P3H1: variants seen among roughly 807,000 people sequenced by gnomAD.
The protein encoded by P3H1 is prolyl 3-hydroxylase 1.
P3H1 carries 69 observed loss-of-function variants against 84.0 expected under a neutral mutation model. That is an observed-to-expected ratio of 0.82 (90% CI 0.68 to 1.00). The LOEUF is 1.00. Among genes scored for constraint, P3H1 ranks in the 50% least tolerant of loss-of-function variants. The pLI is 0.00. For synonymous variants in P3H1, 366 were observed against 388.8 expected (o/e 0.94, Z 0.69); for missense variants, 878 against 962.8 (o/e 0.91, Z 1.17).
Position 42,757,933 on chromosome 1 carries a change from GA to G in P3H1, c.941-12del. The G allele has an allele frequency of 6.2e-7, 1 of 1,612,780 alleles. No individual in the cohort carries two copies. The highest frequency in any genetic ancestry group is 1.1e-5 in the South Asian group (1 of 91,066). Reference sequence around the variant, plus strand: ...GTGTATAATTCCCAACTGCAAAGTGGAAAGAAGAATGGCTGAGAGGAAAGAG... The same window carrying G: ...GTGTATAATTCCCAACTGCAAAGTGGAAGAAGAATGGCTGAGAGGAAAGAG... On this transcript the variant is annotated splice_polypyrimidine_tract_variant and intron_variant, in intron 4 of 14. Coordinates refer to ENST00000296388, the MANE Select transcript of P3H1 (RefSeq NM_022356.4).
chr1:42,752,154 T>G (rs1318580327), intron 10 of P3H1, 120 bp downstream of exon 10: 6 of 824,434 alleles, frequency 7.3e-6, no homozygotes, highest in Non-Finnish European at 1.1e-5. Context: ...GCAACAAGAA[T>G]GTTGGCAGGT....
At chr1:42,749,508 G>A (rs1451074701) in intron 11 of P3H1, among the ~76,000 whole-genome samples, 1 of 152,234 alleles carries the variant, frequency 6.6e-6, no homozygotes, top group African/African-American at 2.4e-5. Flanking sequence ...TGTAAATCAC[G>A]AAGCTCTCTC....
intron 5 of P3H1, 64 bp from the exon 6 acceptor site, chr1:42,755,701 C>T: frequency 7.8e-7 from 1 of 1,285,430 alleles, no homozygotes. Context: ...TCTGGGAGTT[C>T]CCCTCCCTGG....
intron 1 of P3H1, among the ~76,000 whole-genome samples, chr1:42,766,013 CCCCG>C (rs201669544): frequency 9.3e-4 from 82 of 87,892 alleles, no homozygotes; most frequent in South Asian, 3.7e-3. Flanking sequence ...AGGGTCCCCC[CCCCG>C]CCCCCACACA....
Position 42,747,839 on chromosome 1 carries a change from C to G in P3H1, c.1839-41G>C, listed in dbSNP as rs375115016. The G allele has an allele frequency of 3.0e-5, 48 of 1,586,790 alleles. No homozygotes were observed. In the African/African-American group the frequency reaches 4.7e-4, roughly 16 times the overall value. ...ACATCTCATCATGGCCCTTCCCTGC[C>G]TCCCTTTCCCCTGAGCCTTCACCTC... On this transcript the variant is annotated intron_variant, in intron 12 of 14. Coordinates refer to ENST00000296388, the MANE Select transcript of P3H1 (RefSeq NM_022356.4).
At chr1:42,753,603 G>A (rs1173962914) in intron 8 of P3H1, among the ~76,000 whole-genome samples, 4 of 152,116 alleles carry the variant, frequency 2.6e-5, no homozygotes, top group Admixed American at 2.6e-4. Context: ...AAGAAAGGAG[G>A]GGACTCCAAT....
rs551684285 is a variant in P3H1 at position 42,766,984 on chromosome 1, C to T, written c.-13G>A. On this transcript the variant is annotated 5_prime_UTR_variant, in exon 1 of 15. Coordinates refer to ENST00000296388, the MANE Select transcript of P3H1 (RefSeq NM_022356.4). The stretch of plus-strand genomic sequence containing the variant: ...CGCGTACCGCCATCGCTCCCTCAGA[C>T]CTAACGGAACCGCCAGCCACCCGCC... The T allele has an allele frequency of 3.9e-5, 63 of 1,604,694 alleles. 1 individual carries two copies. The South Asian group carries it at 5.5e-4, about 14-fold the overall frequency.
rs778110583 is a variant in P3H1, at chr1:42,746,806, T to TA, written c.2101_2102insT (p.Glu701ValfsTer29). On this transcript the variant is annotated frameshift_variant, in exon 15 of 15. Coordinates refer to ENST00000296388, the MANE Select transcript of P3H1 (RefSeq NM_022356.4). LOFTEE classifies it low-confidence loss of function (END_TRUNC). Reference sequence around the variant, plus strand: ...CTGCTCCTGGGAGAGGTCCATCTCTTCTGGGCTGAAGAGCATCTTCACCAG... The same window carrying TA: ...CTGCTCCTGGGAGAGGTCCATCTCTTACTGGGCTGAAGAGCATCTTCACCAG... 3 of 1,598,396 alleles carry TA rather than the reference T, an allele frequency of 1.9e-6. No individual in the cohort carries two copies. The highest frequency in any genetic ancestry group is 2.6e-6 in the Non-Finnish European group (3 of 1,172,650).
chr1:42,759,254 T>C lies in P3H1; in HGVS notation c.755A>G (p.Tyr252Cys), dbSNP rs774134275. 1 of 1,614,180 alleles carries C rather than the reference T, an allele frequency of 6.2e-7. No homozygotes were observed. The highest frequency in any genetic ancestry group is 8.5e-7 in the Non-Finnish European group (1 of 1,180,040). ...CRALCEGPYD[Y>C]DGYNYLEYNA... Reference sequence around the variant, plus strand: ...GTACTCAAGGTAGTTGTAGCCATCGTAGTCATAGGGCCCTTCGCAGAGGGC... The same window carrying C: ...GTACTCAAGGTAGTTGTAGCCATCGCAGTCATAGGGCCCTTCGCAGAGGGC... The change falls in exon 3 of 15, where the codon TAC becomes TGC. Residue 252 changes from tyrosine (Y) to cysteine (C), a missense_variant. Physicochemically the swap from Tyr to Cys is radical, Grantham distance 194. Coordinates refer to ENST00000296388, the MANE Select transcript of P3H1 (RefSeq NM_022356.4).
In P3H1 at chr1:42,747,295, G is replaced by C. The variant is rs202209556; in HGVS notation, c.2032C>G (p.Leu678Val). ...QRCAIALWFT[L>V]DPRHSERDRV... ...ACCCGCTCGCTGTGTCGAGGGTCCA[G>C]GGTGAACCACAGGGCGATGGCACAG... is the stretch of plus-strand genomic sequence containing the variant. Residue 678 changes from leucine (L) to valine (V), a missense_variant, in exon 14 of 15, where the codon CTG becomes GTG. Leu to Val is a conservative substitution (Grantham distance 32). Transcript: ENST00000296388. The C allele has an allele frequency of 6.2e-7, 1 of 1,613,566 alleles. No homozygotes were observed. Among genetic ancestry groups the C allele is most frequent in the Non-Finnish European group, 8.5e-7 (1 of 1,179,702 alleles).
intron 5 of P3H1, among the ~76,000 whole-genome samples, chr1:42,755,870 G>T (rs1245224123): frequency 6.6e-6 from 1 of 152,082 alleles, no homozygotes; most frequent in Non-Finnish European, 1.5e-5. Context: ...CTTTCCTTAA[G>T]GGAAAAAGCC....
At chr1:42,755,262 A>C in intron 6 of P3H1, 45 bp from the exon 7 acceptor site, 1 of 1,567,044 alleles carries the variant, frequency 6.4e-7, no homozygotes, top group Non-Finnish European at 8.8e-7. Flanking sequence ...TGATCTACTT[A>C]ATCTTCCAGG....
chr1:42,757,752 G>A, intron 5 of P3H1, 31 bp downstream of exon 5: 2 of 1,614,152 alleles, frequency 1.2e-6, no homozygotes, highest in Non-Finnish European at 1.7e-6. Flanking sequence ...AGTTCAGCTG[G>A]CAGCTGTCAT....
At chr1:42,763,084 CAAAA>C (rs879470343) in intron 1 of P3H1, among the ~76,000 whole-genome samples, 1 of 123,224 alleles carries the variant, frequency 8.1e-6, no homozygotes. Flanking sequence ...GACCCTGACT[CAAAA>C]AAAAAAAAAT....
At chr1:42,761,453 C>T (rs1459885751) in intron 2 of P3H1, 1 of 152,110 alleles carries the variant, frequency 6.6e-6, no homozygotes, top group Non-Finnish European at 1.5e-5. Context: ...AAATCAAAAA[C>T]ATACATGACC....
chr1:42,750,429 T>A (rs1157198207), intron 10 of P3H1, 93 bp from the exon 11 acceptor site: 1 of 1,436,784 alleles, frequency 7.0e-7, no homozygotes. Context: ...TTCCCATAAT[T>A]CCCATGTGTT....
At chr1:42,759,582 A>G (rs928786518) in intron 2 of P3H1, among the ~76,000 whole-genome samples, 192 bp from the exon 3 acceptor site, 1 of 152,170 alleles carries the variant, frequency 6.6e-6, no homozygotes, top group African/African-American at 2.4e-5. Context: ...CTGGAAATTT[A>G]AAAACATTTA....
chr1:42,759,462 T>C, intron 2 of P3H1, 72 bp from the exon 3 acceptor site: 1 of 1,341,270 alleles, frequency 7.5e-7, no homozygotes, highest in Non-Finnish European at 1.1e-6. Flanking sequence ...TCAGCCACCT[T>C]CACAGGGGTC....
rs866169941 is a variant in P3H1 at position 42,757,799 on chromosome 1, G to A, written c.1064C>T (p.Ser355Phe). The change falls in exon 5 of 15, where the codon TCC (serine) becomes TTC (phenylalanine). Residue 355 changes from serine to phenylalanine, a missense_variant. By Grantham distance (155) the Ser-to-Phe change is radical. Transcript: ENST00000296388. ...AAMLGEEHTR[S>F]IGPRESAKEY... is the part of the protein sequence containing the mutation. ...GTCTCTCACCTCACGGGGGCCGATG[G>A]ATCTGGTGTGTTCTTCTCCAAGCAT... 6.2e-7 allele frequency: 1 copy of A among 1,614,236 alleles called. No homozygotes were observed. The highest frequency in any genetic ancestry group is 8.5e-7 in the Non-Finnish European group (1 of 1,180,046).
Sources: gnomAD v4.1 joint callset for allele counts (sites outside exome capture counted in the v4.1 genomes callset) on GRCh38, gnomAD v4.1.1 for gene constraint, MANE v1.5 for transcripts, NCBI Gene and HGNC (gene_info 2026-07-23, HGNC 2026-07-21) for gene names.